The following EFR3B variants were observed in gnomAD, a reference collection of about 807,000 sequenced individuals.
EFR3B encodes the protein protein EFR3 homolog B.
A neutral mutation model predicts 104.7 loss-of-function variants in EFR3B; 64 were observed. That is an observed-to-expected ratio of 0.61 (90% CI 0.50 to 0.75). The LOEUF is 0.75. Among genes scored for constraint, EFR3B ranks in the 30% least tolerant of loss-of-function variants. The pLI is 0.00. For synonymous variants in EFR3B, 385 were observed against 417.9 expected, an observed-to-expected ratio of 0.92 and a Z score of 0.96; for missense variants, 750 against 1,078.5, an observed-to-expected ratio of 0.70 and a Z score of 4.27.
At position 25,136,398 on chromosome 2, in the gene EFR3B, AG is replaced by A; in HGVS notation, c.1485-122del. ...GGAAAAGGTAATCGGGCTGAGAACC[AG>A]GGCCAGGGGAGCACTGGAGGCTTTG... On this transcript the variant is annotated intron_variant, in intron 13 of 22. Coordinates refer to ENST00000403714, the MANE Select transcript of EFR3B (RefSeq NM_014971.2). This position sits in a 1 kb window ranked among gnomAD's most constrained non-coding sequence, Gnocchi z 4.0. 1.5e-6 allele frequency: 1 copy of A among 677,748 alleles called. No individual in the cohort carries two copies. The highest frequency in any genetic ancestry group is 2.5e-6 in the Non-Finnish European group (1 of 405,222). 42.0% of individuals were successfully genotyped at this position (677,748 alleles called of 1,614,324 possible). A position where few individuals can be genotyped will look rare whatever the true frequency, so the allele number is the denominator to read the frequency against.
At chr2:25,113,439 ACTC>A (rs1383038729) in intron 4 of EFR3B, among the ~76,000 whole-genome samples, 1 of 151,964 alleles carries the variant, frequency 6.6e-6, no homozygotes, top group East Asian at 1.9e-4. Context: ...TAATCCCAGC[ACTC>A]CTGACCTTGT....
chr2:25,071,069 T>G (rs1347719386), intron 1 of EFR3B, among the ~76,000 whole-genome samples: 1 of 151,916 alleles, frequency 6.6e-6, no homozygotes, highest in Non-Finnish European at 1.5e-5. Context: ...CATGCCATTC[T>G]CCTGCCTCAG....
chr2:25,121,817 A>G (rs1417594859), intron 5 of EFR3B, 23 bp downstream of exon 5: 32 of 1,551,680 alleles, frequency 2.1e-5, no homozygotes, highest in Non-Finnish European at 2.7e-5. Flanking sequence ...AGGCAAGGGT[A>G]GTTGGTTCAG....
intron 4 of EFR3B, among the ~76,000 whole-genome samples, chr2:25,118,927 A>G (rs1236271265): frequency 2.0e-5 from 3 of 152,164 alleles, no homozygotes; most frequent in Admixed American, 6.5e-5. Flanking sequence ...GCTACTAGGG[A>G]GGCTGAGGTG....
In EFR3B at chr2:25,132,923, C is replaced by T; in HGVS notation, c.1168C>T (p.Pro390Ser). 1 of 1,551,092 alleles carries T rather than the reference C, an allele frequency of 6.4e-7. No homozygotes were observed. Among genetic ancestry groups the T allele is most frequent in the Non-Finnish European group, 8.7e-7 (1 of 1,146,932 alleles). ...TGCAGGCTCCTTTGCCAGCACGCTG[C>T]CCACCTACCAGCGCTCCGAGGTGAT... ...KTVGSFASTL[P>S]TYQRSEVILF... Residue 390 changes from proline to serine, a missense_variant, in exon 11 of 23, where the codon CCC (proline) becomes TCC (serine). Pro to Ser is a moderately conservative substitution (Grantham distance 74). Coordinates refer to ENST00000403714, the MANE Select transcript of EFR3B (RefSeq NM_014971.2).
chr2:25,142,397 C>T (rs1369985015), intron 17 of EFR3B, among the ~76,000 whole-genome samples: 95 of 148,152 alleles, frequency 6.4e-4, no homozygotes, highest in African/African-American at 2.1e-3. Context: ...TGCAGTGAGC[C>T]GAGATCATGC....
intron 1 of EFR3B, chr2:25,081,560 G>A: frequency 1.1e-6 from 1 of 933,392 alleles, no homozygotes; most frequent in Non-Finnish European, 1.8e-6. Flanking sequence ...TGCTGTACTT[G>A]GAGTCCATGG....
chr2:25,127,191 C>CAAAAAAAAAAA (rs57818903), intron 5 of EFR3B, among the ~76,000 whole-genome samples: 3 of 51,738 alleles, frequency 5.8e-5, no homozygotes, highest in Non-Finnish European at 1.0e-4. Flanking sequence ...GACTCCACCT[C>CAAAAAAAAAAA]AAAAAAAAAA....
chr2:25,046,435 C>T (rs1165868482), intron 1 of EFR3B, among the ~76,000 whole-genome samples: 4 of 151,754 alleles, frequency 2.6e-5, no homozygotes, highest in East Asian at 1.9e-4. Context: ...AATCCTATTT[C>T]GTGAGTGAGA....
At chr2:25,103,316 G>T (rs927121654) in intron 3 of EFR3B, among the ~76,000 whole-genome samples, 1 of 152,172 alleles carries the variant, frequency 6.6e-6, no homozygotes, top group Non-Finnish European at 1.5e-5. Flanking sequence ...CTTAGAGTTT[G>T]CTATTGTGAG....
At chr2:25,133,153 T>TG in intron 11 of EFR3B, 139 bp downstream of exon 11, 1 of 908,620 alleles carries the variant, frequency 1.1e-6, no homozygotes, top group South Asian at 1.6e-5. Flanking sequence ...CAGCCTTTAA[T>TG]GGGGCTCTTG....
rs893554089 is a variant in EFR3B at position 25,060,771 on chromosome 2, A to G, written c.7+18452A>G. On this transcript the variant is annotated intron_variant, in intron 1 of 22. Transcript: ENST00000403714. ...CCGTCTCTACTAAAAATACAAAAAA[A>G]TTAGCCGGGCATGGTGGCGGGTGCC... Among the ~76,000 whole-genome samples, 6 of 152,130 alleles carry G rather than the reference A, an allele frequency of 3.9e-5. No individual in the cohort carries two copies. In the East Asian group the frequency reaches 1.2e-3, roughly 29 times the overall value.
Position 25,080,716 on chromosome 2 carries a change from T to C in EFR3B, c.8-10609T>C, listed in dbSNP as rs1668779102. 6 of 984,492 alleles carry C rather than the reference T, an allele frequency of 6.1e-6. No individual in the cohort carries two copies. The Admixed American group carries it at 8.7e-5, about 14-fold the overall frequency. 61.0% of individuals were successfully genotyped at this position (984,492 alleles called of 1,614,324 possible). On this transcript the variant is annotated intron_variant, in intron 1 of 22. Coordinates refer to ENST00000403714, the MANE Select transcript of EFR3B (RefSeq NM_014971.2). ...CTTAGCAGCGTCTTTGTCATTTTCA[T>C]CTTCTTGGGTTCAGTCCTGTAGATC...
chr2:25,122,181 C>G (rs552141702), intron 5 of EFR3B, among the ~76,000 whole-genome samples: 4 of 151,974 alleles, frequency 2.6e-5, no homozygotes, highest in Admixed American at 2.6e-4. Flanking sequence ...TGGCCAGGCT[C>G]ATCTCAAACT....
chr2:25,149,301 T>C (rs1054274611), intron 19 of EFR3B, among the ~76,000 whole-genome samples: 2 of 152,108 alleles, frequency 1.3e-5, no homozygotes, highest in African/African-American at 4.8e-5. Context: ...TGAGCCAAGA[T>C]CATGCCACTA....
At chr2:25,081,410 C>T in intron 1 of EFR3B, 1 of 1,237,122 alleles carries the variant, frequency 8.1e-7, no homozygotes, top group African/African-American at 1.5e-5. Context: ...TTATTTCTTT[C>T]TTCTGTACCT....
At chr2:25,090,932 G>A (rs750402904) in intron 1 of EFR3B, among the ~76,000 whole-genome samples, 4 of 152,146 alleles carry the variant, frequency 2.6e-5, no homozygotes, top group African/African-American at 7.2e-5. Flanking sequence ...TTCCTGTCCC[G>A]GAAACGTGAG....
intron 6 of EFR3B, 89 bp from the exon 7 acceptor site, chr2:25,129,886 G>A (rs974654960): frequency 2.7e-6 from 4 of 1,485,198 alleles, no homozygotes; most frequent in East Asian, 5.0e-5. Flanking sequence ...TGCTTGTCTT[G>A]TGTGGATGAA....
chr2:25,098,734 G>C (rs183735502), intron 3 of EFR3B, among the ~76,000 whole-genome samples: 3 of 151,920 alleles, frequency 2.0e-5, no homozygotes, highest in Admixed American at 6.6e-5. Context: ...AAAGAACTGG[G>C]CCTTATACTT....
Sources: allele counts gnomAD v4.1 joint callset (sites outside exome capture counted in the v4.1 genomes callset), GRCh38; gene constraint gnomAD v4.1.1; non-coding constraint Gnocchi (gnomAD v3.1); transcripts MANE v1.5; gene names NCBI Gene and HGNC (gene_info 2026-07-23, HGNC 2026-07-21).